NUDCD3: variants seen among roughly 807,000 people sequenced by gnomAD.
The protein encoded by NUDCD3 is nudC domain-containing protein 3.
In NUDCD3, 13 loss-of-function variants were observed where a neutral mutation model predicts 39.7. The ratio of observed to expected loss-of-function variants is 0.33; its 90% CI spans 0.21 to 0.52. NUDCD3 has a LOEUF of 0.52. NUDCD3 is among the 20% of genes least tolerant of loss of function. The pLI is 0.96. For missense variants in NUDCD3, 453 were observed against 458.1 expected (o/e 0.99, Z 0.10); for synonymous variants, 175 against 172.4 (o/e 1.02, Z -0.12).
chr7:44,437,069 CTTTTTTTTTT>C (rs35904938), intron 2 of NUDCD3, among the ~76,000 whole-genome samples: 7 of 117,282 alleles, frequency 6.0e-5, no homozygotes, highest in Admixed American at 8.8e-5. Context: ...CTTTTCTTTT[CTTTTTTTTTT>C]TTTTTTTTGA....
intron 3 of NUDCD3, among the ~76,000 whole-genome samples, chr7:44,418,644 G>A (rs959104132): frequency 6.6e-6 from 1 of 152,228 alleles, no homozygotes; most frequent in African/African-American, 2.4e-5. Context: ...CAAGACAGCT[G>A]AATAGGAATA....
intron 2 of NUDCD3, among the ~76,000 whole-genome samples, chr7:44,436,160 A>T (rs1799459848): frequency 6.6e-6 from 1 of 152,232 alleles, no homozygotes; most frequent in Non-Finnish European, 1.5e-5. Context: ...ACTGGGTATT[A>T]GATGATTTTA....
At chr7:44,401,991 T>C (rs1798735918) in intron 4 of NUDCD3, among the ~76,000 whole-genome samples, 1 of 152,172 alleles carries the variant, frequency 6.6e-6, no homozygotes, top group South Asian at 2.1e-4. Context: ...AAACCCACAA[T>C]GGGGACCCAC....
chr7:44,483,268 C>T (rs1800532821), intron 2 of NUDCD3, among the ~76,000 whole-genome samples: 1 of 151,960 alleles, frequency 6.6e-6, no homozygotes, highest in African/African-American at 2.4e-5. Context: ...TCATCAGAGA[C>T]AGTGCAAGCT....
chr7:44,439,348 AAG>A (rs1297782279), intron 2 of NUDCD3, among the ~76,000 whole-genome samples: 1 of 152,162 alleles, frequency 6.6e-6, no homozygotes, highest in African/African-American at 2.4e-5. Context: ...AGAGGTAAAA[AAG>A]AGGTATGTGT....
At chr7:44,402,520 G>T (rs902342312) in intron 4 of NUDCD3, 2 of 392,684 alleles carry the variant, frequency 5.1e-6, no homozygotes, top group Non-Finnish European at 1.0e-5. Context: ...TTGGTACCCT[G>T]ATTGTAATCC....
chr7:44,392,568 G>A (rs1052074950), intron 4 of NUDCD3, 83 bp from the exon 5 acceptor site: 12 of 1,239,744 alleles, frequency 9.7e-6, no homozygotes, highest in Admixed American at 3.9e-5. Context: ...CCCACTGAGG[G>A]ATGGGTGTCC....
intron 2 of NUDCD3, among the ~76,000 whole-genome samples, chr7:44,480,246 C>A (rs1463705659): frequency 3.3e-5 from 5 of 152,062 alleles, no homozygotes; most frequent in Admixed American, 2.0e-4. Flanking sequence ...AAAACCAATA[C>A]CCTCCTTTCA....
chr7:44,413,389 G>C (rs1247763348), intron 3 of NUDCD3: 1 of 152,034 alleles, frequency 6.6e-6, no homozygotes, highest in Non-Finnish European at 1.5e-5. Flanking sequence ...AACTCAAAAG[G>C]TTAATAACAA....
intron 2 of NUDCD3, among the ~76,000 whole-genome samples, chr7:44,441,269 T>C (rs964992520): frequency 1.3e-5 from 2 of 152,224 alleles, no homozygotes; most frequent in Non-Finnish European, 2.9e-5. Context: ...GGCACTGTCA[T>C]GTTGGTTTCT....
chr7:44,407,868 C>T (rs1798858129), intron 3 of NUDCD3, among the ~76,000 whole-genome samples: 1 of 151,994 alleles, frequency 6.6e-6, no homozygotes, highest in Non-Finnish European at 1.5e-5. Context: ...GGTAGAAACA[C>T]AGATCAATTC....
chr7:44,394,798 C>T (rs1798593238), intron 4 of NUDCD3, among the ~76,000 whole-genome samples: 1 of 152,202 alleles, frequency 6.6e-6, no homozygotes, highest in African/African-American at 2.4e-5. Context: ...GGCCTACATA[C>T]CATCCAGGGG....
In NUDCD3 at chr7:44,451,031, C is replaced by T. The variant is rs1799785843; in HGVS notation, c.510-23328G>A. 3.3e-5 allele frequency among the ~76,000 whole-genome samples: 5 copies of T among 152,328 alleles called. No homozygotes were observed. In the South Asian group the frequency reaches 8.3e-4, roughly 25 times the overall value. ...AGAGTATATACTCTGAATATTTGTA[C>T]ATTCATGTTCACAGCAGCACTGTTT... is the stretch of plus-strand genomic sequence containing the variant. On this transcript the variant is annotated intron_variant, in intron 2 of 5. Transcript: ENST00000355451.
At chr7:44,458,545 C>T (rs1313669626) in intron 2 of NUDCD3, among the ~76,000 whole-genome samples, 1 of 151,862 alleles carries the variant, frequency 6.6e-6, no homozygotes, top group East Asian at 1.9e-4. Flanking sequence ...GTAATTCCAG[C>T]TACTTGGGAG....
intron 2 of NUDCD3, chr7:44,468,243 C>T (rs764918544): frequency 1.3e-6 from 2 of 1,596,398 alleles, no homozygotes; most frequent in South Asian, 2.2e-5. Context: ...GAAACAGCTG[C>T]CCAACTGGCC....
chr7:44,450,397 C>T (rs1563180869), intron 2 of NUDCD3, among the ~76,000 whole-genome samples: 3 of 151,946 alleles, frequency 2.0e-5, no homozygotes, highest in African/African-American at 7.2e-5. Context: ...AGACTGGTCT[C>T]AAACTCCTGA....
At chr7:44,439,094 G>A (rs868782949) in intron 2 of NUDCD3, among the ~76,000 whole-genome samples, 1 of 152,168 alleles carries the variant, frequency 6.6e-6, no homozygotes, top group South Asian at 2.1e-4. Flanking sequence ...AGGAGGAGTA[G>A]CGAGTGAGCA....
chr7:44,402,719 G>A (rs1339383575), intron 4 of NUDCD3: 2 of 456,550 alleles, frequency 4.4e-6, no homozygotes, highest in South Asian at 3.1e-5. Context: ...TTCACCCAAC[G>A]GAAGGCAGGA....
intron 2 of NUDCD3, among the ~76,000 whole-genome samples, chr7:44,453,990 C>T (rs1799842784): frequency 6.6e-6 from 1 of 152,062 alleles, no homozygotes; most frequent in African/African-American, 2.4e-5. Context: ...CTGCAGTGAG[C>T]TGTGGTTGTG....
Sources: gnomAD v4.1 joint callset for allele counts (sites outside exome capture counted in the v4.1 genomes callset) on GRCh38, gnomAD v4.1.1 for gene constraint, MANE v1.5 for transcripts, NCBI Gene and HGNC (gene_info 2026-07-23, HGNC 2026-07-21) for gene names.